COL19A1: variants seen among roughly 807,000 people sequenced by gnomAD.
COL19A1 encodes collagen type XIX alpha 1 chain.
In COL19A1, 159 loss-of-function variants were observed where a neutral mutation model predicts 190.2. The ratio of observed to expected loss-of-function variants is 0.84; its 90% confidence interval spans 0.73 to 0.95. COL19A1 has a LOEUF of 0.95. Among genes scored for constraint, COL19A1 ranks in the 40% least tolerant of loss-of-function variants. The probability of loss-of-function intolerance (pLI) is 0.00; values close to 1 mark genes in which losing one functional copy is unlikely to be tolerated. For missense variants in COL19A1, 1,418 were observed against 1,431.9 expected (o/e 0.99, Z 0.16); for synonymous variants, 509 against 458.9 (o/e 1.11, Z -1.39).
At chr6:70,112,832 C>T (rs1391639018) in intron 16 of COL19A1, among the ~76,000 whole-genome samples, 2 of 152,258 alleles carry the variant, frequency 1.3e-5, no homozygotes, top group East Asian at 3.9e-4. Flanking sequence ...TTTGCTTATT[C>T]ATACAACCAT....
intron 27 of COL19A1, among the ~76,000 whole-genome samples, chr6:70,148,315 C>G (rs759738054): frequency 5.3e-5 from 8 of 151,480 alleles, no homozygotes; most frequent in Non-Finnish European, 1.0e-4. Context: ...TCCTATCACC[C>G]AAGAAACCCA....
chr6:70,129,890 A>T lies in COL19A1; in HGVS notation c.1342-292A>T, dbSNP rs1192156710. 2.6e-5 allele frequency among the ~76,000 whole-genome samples: 4 copies of T among 152,308 alleles called. No individual in the cohort carries two copies. In the East Asian group the frequency reaches 7.7e-4, roughly 29 times the overall value. ...GGCCAGTTGAAGTGGCCAGATGTGG[A>T]TTTGGAGTAGTGAGTATTTATCCCC... On this transcript the variant is annotated intron_variant, in intron 17 of 50. Transcript: ENST00000620364.
intron 14 of COL19A1, among the ~76,000 whole-genome samples, chr6:70,051,682 G>A (rs898605619): frequency 1.3e-5 from 2 of 151,866 alleles, no homozygotes; most frequent in African/African-American, 2.4e-5. Context: ...TACCTCCCTC[G>A]TAAGACATGC....
chr6:70,025,317 A>G (rs569977365), intron 12 of COL19A1, among the ~76,000 whole-genome samples: 11 of 152,294 alleles, frequency 7.2e-5, no homozygotes, highest in Non-Finnish European at 1.5e-4. Flanking sequence ...GGCGTGAGCC[A>G]CCGTGCCCGG....
chr6:70,130,978 C>CA, intron 18 of COL19A1: 1 of 437,382 alleles, frequency 2.3e-6, no homozygotes, highest in South Asian at 1.7e-5. Flanking sequence ...GTGGTTTAAC[C>CA]AAATAATTAT....
At chr6:69,976,128 C>G (rs147845772) in intron 11 of COL19A1, among the ~76,000 whole-genome samples, 1 of 152,108 alleles carries the variant, frequency 6.6e-6, no homozygotes, top group South Asian at 2.1e-4. Context: ...AATGAGCAAG[C>G]ATTAGTGTGT....
intron 15 of COL19A1, among the ~76,000 whole-genome samples, chr6:70,084,208 A>G (rs1782446472): frequency 6.6e-6 from 1 of 152,176 alleles, no homozygotes; most frequent in South Asian, 2.1e-4. Flanking sequence ...TTAAGATAAG[A>G]TAATCCAGGT....
chr6:69,939,945 T>C (rs1773366049), intron 9 of COL19A1, among the ~76,000 whole-genome samples: 1 of 152,142 alleles, frequency 6.6e-6, no homozygotes, highest in South Asian at 2.1e-4. Flanking sequence ...CTGTGATTTA[T>C]ACACGTTCAC....
At chr6:70,035,805 G>T (rs1486702217) in intron 13 of COL19A1, 99 bp from the exon 14 acceptor site, 55 of 928,166 alleles carry the variant, frequency 5.9e-5, no homozygotes, top group Non-Finnish European at 8.9e-5. Context: ...TATTCTTCAA[G>T]ATTTATCTCT....
intron 47 of COL19A1, 128 bp from the exon 48 acceptor site, chr6:70,190,187 C>T (rs1766772819): frequency 1.4e-6 from 1 of 704,214 alleles, no homozygotes; most frequent in South Asian, 1.8e-5. Context: ...TAATCAATTG[C>T]CAAAAGCATT....
At chr6:70,147,383 T>C (rs1229040221) in intron 27 of COL19A1, among the ~76,000 whole-genome samples, 1 of 152,124 alleles carries the variant, frequency 6.6e-6, no homozygotes, top group African/African-American at 2.4e-5. Context: ...TTAAAGTATT[T>C]AAACTATAAG....
intron 18 of COL19A1, chr6:70,131,070 G>A (rs1260685933): frequency 6.5e-6 from 3 of 462,078 alleles, no homozygotes; most frequent in Admixed American, 4.9e-5. Flanking sequence ...TATCATAGCT[G>A]TAAAGATGAC....
At chr6:70,039,588 A>C (rs1194043397) in intron 14 of COL19A1, among the ~76,000 whole-genome samples, 13 of 152,216 alleles carry the variant, frequency 8.5e-5, no homozygotes, top group Admixed American at 8.5e-4. Context: ...AGAATAACTA[A>C]GGGCGAAGAG....
intron 11 of COL19A1, among the ~76,000 whole-genome samples, chr6:70,000,567 G>T (rs1357424991): frequency 6.6e-6 from 1 of 152,148 alleles, no homozygotes; most frequent in Non-Finnish European, 1.5e-5. Context: ...CATTCTGACT[G>T]GCATGAGATA....
intron 40 of COL19A1, 59 bp from the exon 41 acceptor site, chr6:70,171,905 C>T: frequency 6.4e-7 from 1 of 1,551,914 alleles, no homozygotes; most frequent in Non-Finnish European, 8.9e-7. Context: ...GCTTTGGAAA[C>T]CAATGCTTAA....
chr6:70,032,071 A>G lies in COL19A1; in HGVS notation c.1081-2174A>G, dbSNP rs186893596. On this transcript the variant is annotated intron_variant, in intron 12 of 50. Transcript: ENST00000620364. ...AGGTGGGGATTTATAGCCAATGAGT[A>G]GAGGGAGGGATGTCACTGGATAGAA... Among the ~76,000 whole-genome samples, 126 of 152,258 alleles carry G rather than the reference A, an allele frequency of 8.3e-4. No homozygotes were observed. In the Middle Eastern group the frequency reaches 0.014, roughly 16 times the overall value.
chr6:69,984,408 A>T (rs890205954), intron 11 of COL19A1, among the ~76,000 whole-genome samples: 3 of 152,298 alleles, frequency 2.0e-5, no homozygotes, highest in African/African-American at 7.2e-5. Context: ...TTTTAAAGAC[A>T]ATCTTTTAAC....
rs1765290325 is a variant in COL19A1 at position 70,168,279 on chromosome 6, TA to T, written c.2541+69del. 8 of 1,535,248 alleles carry T rather than the reference TA, an allele frequency of 5.2e-6. No individual in the cohort carries two copies. The South Asian group carries it at 9.7e-5, about 19-fold the overall frequency. On this transcript the variant is annotated intron_variant, in intron 39 of 50. Transcript: ENST00000620364. ...AACAACCACAATGAAAAACAAACAA[TA>T]AAAACCTCTTAAGTTCACTGAAAAA...
intron 4 of COL19A1, among the ~76,000 whole-genome samples, chr6:69,924,645 C>T (rs957499839): frequency 5.3e-5 from 8 of 152,080 alleles, no homozygotes; most frequent in Non-Finnish European, 8.8e-5. Context: ...GTTCTAGATC[C>T]CTGAGGAATC....
Sources: gnomAD v4.1 joint callset for allele counts (sites outside exome capture counted in the v4.1 genomes callset) on GRCh38, gnomAD v4.1.1 for gene constraint, MANE v1.5 for transcripts, NCBI Gene and HGNC (gene_info 2026-07-23, HGNC 2026-07-21) for gene names.